The following PRKCI variants were observed in gnomAD, a reference collection of about 807,000 sequenced individuals.
The protein encoded by PRKCI is protein kinase C iota type.
In PRKCI, 43 loss-of-function variants were observed where a neutral mutation model predicts 84.0. That is an observed-to-expected ratio of 0.51 (90% confidence interval 0.40 to 0.66). The LOEUF (loss-of-function observed/expected upper bound fraction) is 0.66. Among genes scored for constraint, PRKCI ranks in the 30% least tolerant of loss-of-function variants. The pLI is 0.00. For synonymous variants in PRKCI, 216 were observed against 234.4 expected, an observed-to-expected ratio of 0.92 and a Z score of 0.72; for missense variants, 459 against 745.6, an observed-to-expected ratio of 0.62 and a Z score of 4.48.
chr3:170,300,812 T>G (rs1734801951), intron 17 of PRKCI, among the ~76,000 whole-genome samples: 1 of 152,048 alleles, frequency 6.6e-6, no homozygotes, highest in Admixed American at 6.6e-5. Context: ...AGTCCTCCTC[T>G]CCCTTGATTA....
intron 1 of PRKCI, among the ~76,000 whole-genome samples, chr3:170,234,578 AT>A (rs761552112): frequency 1.3e-5 from 2 of 152,172 alleles, no homozygotes; most frequent in African/African-American, 2.4e-5. Flanking sequence ...TGACAGAGAA[AT>A]TTCATAGAAT....
intron 1 of PRKCI, among the ~76,000 whole-genome samples, chr3:170,228,106 T>G (rs188079137): frequency 6.1e-4 from 93 of 152,238 alleles, no homozygotes; most frequent in Non-Finnish European, 1.2e-3. Flanking sequence ...TTCTAGGTGT[T>G]TATGAGGCAT....
At chr3:170,289,711 G>A (rs943407037) in intron 12 of PRKCI, among the ~76,000 whole-genome samples, 14 of 152,134 alleles carry the variant, frequency 9.2e-5, no homozygotes, top group Admixed American at 6.5e-5. Flanking sequence ...TCAGGAGTTC[G>A]AGACCAACCT....
intron 1 of PRKCI, among the ~76,000 whole-genome samples, chr3:170,228,085 T>C (rs73034312): frequency 0.038 from 5,712 of 152,274 alleles, 190 homozygotes; most frequent in East Asian, 0.1. Context: ...AACAATTCAC[T>C]GAATTTTGAG....
At position 170,275,898 on chromosome 3, in the gene PRKCI, T is replaced by A. The variant is rs1436546383; in HGVS notation, c.705+611T>A. On this transcript the variant is annotated intron_variant, in intron 8 of 17. Coordinates refer to ENST00000295797, the MANE Select transcript of PRKCI (RefSeq NM_002740.6). ...TTGTGTATTTCTGGACATGAAAGAT[T>A]TAGTTCACACTGCCTCCTCTCTTTC... is the stretch of plus-strand genomic sequence containing the variant. Among the ~76,000 whole-genome samples, 6 of 151,954 alleles carry A rather than the reference T, an allele frequency of 3.9e-5. No homozygotes were observed. The East Asian group carries it at 1.2e-3, about 29-fold the overall frequency.
At chr3:170,254,198 A>G (rs570325414) in intron 2 of PRKCI, among the ~76,000 whole-genome samples, 5 of 149,890 alleles carry the variant, frequency 3.3e-5, no homozygotes, top group African/African-American at 4.9e-5. Flanking sequence ...CTCCTTGTCT[A>G]TTCTGGTTAT....
chr3:170,241,658 GGAGAGAGAGAGACAGAGACA>G (rs1470522904), intron 2 of PRKCI, among the ~76,000 whole-genome samples: 1 of 151,712 alleles, frequency 6.6e-6, no homozygotes, highest in Non-Finnish European at 1.5e-5. Flanking sequence ...TTTGAGAGAG[GGAGAGAGAGAGACAGAGACA>G]GAGAGAGAGA....
intron 3 of PRKCI, among the ~76,000 whole-genome samples, chr3:170,262,399 G>A (rs1321314145): frequency 6.6e-6 from 1 of 152,136 alleles, no homozygotes; most frequent in African/African-American, 2.4e-5. Flanking sequence ...TTTCTTTAAG[G>A]ATAAGAAAAT....
chr3:170,275,105 T>G (rs1734081582), intron 7 of PRKCI, 124 bp from the exon 8 acceptor site: 1 of 1,182,216 alleles, frequency 8.5e-7, no homozygotes. Context: ...GAAAATTTAT[T>G]CAGAAGTAAA....
intron 17 of PRKCI, among the ~76,000 whole-genome samples, chr3:170,302,258 A>G (rs1734840849): frequency 6.6e-6 from 1 of 152,114 alleles, no homozygotes; most frequent in African/African-American, 2.4e-5. Context: ...TCATCATTCC[A>G]TTCATTAAGT....
intron 1 of PRKCI, among the ~76,000 whole-genome samples, chr3:170,225,155 G>A (rs1732595720): frequency 2.0e-5 from 3 of 152,090 alleles, no homozygotes; most frequent in African/African-American, 7.2e-5. Flanking sequence ...ATTTTGCTGC[G>A]GCGCAAATAA....
chr3:170,274,309 T>C (rs1182109068), intron 7 of PRKCI, among the ~76,000 whole-genome samples: 2 of 152,086 alleles, frequency 1.3e-5, no homozygotes, highest in Admixed American at 1.3e-4. Flanking sequence ...TTTTTTTGTA[T>C]TTTTAGTAGA....
chr3:170,246,293 C>T (rs1170763793), intron 2 of PRKCI, among the ~76,000 whole-genome samples: 3 of 152,088 alleles, frequency 2.0e-5, no homozygotes, highest in African/African-American at 7.2e-5. Flanking sequence ...GCTGGGATTA[C>T]AGGCGCCTGC....
Position 170,247,730 on chromosome 3 carries a change from C to CAA in PRKCI, c.224-12210_224-12209dup, listed in dbSNP as rs72411481. Among the ~76,000 whole-genome samples, 141 of 27,890 alleles carry CAA rather than the reference C, an allele frequency of 5.1e-3. 15 individuals are homozygous for CAA. The highest frequency in any genetic ancestry group is 0.018 in the South Asian group (9 of 506). The allele number at this position is 27,890 out of a possible 152,430, so 18.3% of individuals were successfully genotyped here. ...GGGCAACAAGAGCAAAACTCTGTCT[C>CAA]AAAAAAAAAAAAAAAAAAAAAAAAA... is the stretch of plus-strand genomic sequence containing the variant. On this transcript the variant is annotated intron_variant, in intron 2 of 17. Transcript: ENST00000295797.
intron 12 of PRKCI, among the ~76,000 whole-genome samples, chr3:170,287,400 CTT>C (rs1358217510): frequency 6.6e-6 from 1 of 151,458 alleles, no homozygotes; most frequent in African/African-American, 2.4e-5. Context: ...CAGATGAAGT[CTT>C]AACATATAGA....
At position 170,281,909 on chromosome 3, in the gene PRKCI, T is replaced by G; in HGVS notation, c.1008T>G (p.Asn336Lys). The change falls in exon 11 of 18, where the codon AAT becomes AAG. Residue 336 changes from asparagine to lysine, a missense_variant. By Grantham distance (94) the Asn-to-Lys change is moderately conservative. Around this residue, in one of 2 missense-constraint regions of PRKCI, gnomAD observed 209 missense variants for 425.9 expected, o/e 0.49. Coordinates refer to ENST00000295797, the MANE Select transcript of PRKCI (RefSeq NM_002740.6). ...SRLFFVIEYVNGGDLMFHMQR... is the reference protein window; with the variant it reads ...SRLFFVIEYVKGGDLMFHMQR... ...TGTTCTTTGTTATAGAGTATGTAAA[T>G]GGAGGAGACCTAATGTTTCATATGC... 1 of 1,611,324 alleles carries G rather than the reference T, an allele frequency of 6.2e-7. No individual in the cohort carries two copies. The highest frequency in any genetic ancestry group is 8.5e-7 in the Non-Finnish European group (1 of 1,178,728).
At chr3:170,281,660 A>G in intron 10 of PRKCI, 2 of 491,190 alleles carry the variant, frequency 4.1e-6, no homozygotes, top group Non-Finnish European at 3.4e-6. Flanking sequence ...TGCAAGTGGT[A>G]CTACTTTAGA....
chr3:170,245,003 A>C (rs1269253895), intron 2 of PRKCI: 6 of 152,114 alleles, frequency 3.9e-5, no homozygotes, highest in Non-Finnish European at 8.8e-5. Flanking sequence ...TATCTTGTGG[A>C]AGGATCTGTT....
intron 1 of PRKCI, among the ~76,000 whole-genome samples, chr3:170,222,990 G>A (rs753691400): frequency 3.9e-4 from 60 of 152,236 alleles, no homozygotes; most frequent in African/African-American, 1.4e-3. Context: ...GCGGGGAGCC[G>A]AGGGGCCAGA....
Sources: gnomAD v4.1 joint callset for allele counts (sites outside exome capture counted in the v4.1 genomes callset) on GRCh38, gnomAD v4.1.1 for gene constraint, gnomAD v4.1.1 regional missense constraint, MANE v1.5 for transcripts, NCBI Gene and HGNC (gene_info 2026-07-23, HGNC 2026-07-21) for gene names.